Variants in ROBO2 observed in about 807,000 individuals in gnomAD.
ROBO2 encodes roundabout guidance receptor 2.
In ROBO2, 53 loss-of-function variants were observed where a neutral mutation model predicts 160.8. That is an observed-to-expected ratio of 0.33 (90% confidence interval 0.26 to 0.41). The LOEUF is 0.41. Among genes scored for constraint, ROBO2 ranks in the 10% least tolerant of loss-of-function variants. The probability of loss-of-function intolerance (pLI) is 1.00; values close to 1 mark genes in which losing one functional copy is unlikely to be tolerated. For missense variants in ROBO2, 1,577 were observed against 1,722.4 expected (o/e 0.92, Z 1.49); for synonymous variants, 664 against 611.7 (o/e 1.09, Z -1.26).
intron 1 of ROBO2, among the ~76,000 whole-genome samples, chr3:77,070,964 A>G (rs1213891758): frequency 6.6e-6 from 1 of 152,170 alleles, no homozygotes; most frequent in East Asian, 1.9e-4. Context: ...ACCAGGGTGT[A>G]ATGAATGGTG....
At chr3:76,505,049 A>G (rs1316704529) in intron 2 of ROBO2, among the ~76,000 whole-genome samples, 1 of 152,148 alleles carries the variant, frequency 6.6e-6, no homozygotes, top group East Asian at 1.9e-4. Flanking sequence ...GGGATAAACA[A>G]TTATTGAAAA....
chr3:76,242,937 CAA>C, intron 2 of ROBO2, among the ~76,000 whole-genome samples: 1 of 152,042 alleles, frequency 6.6e-6, no homozygotes, highest in Non-Finnish European at 1.5e-5. Flanking sequence ...ACAAAACAAA[CAA>C]ACAAATCCTG....
At chr3:77,050,420 G>A (rs989077178) in intron 1 of ROBO2, among the ~76,000 whole-genome samples, 1 of 152,028 alleles carries the variant, frequency 6.6e-6, no homozygotes, top group African/African-American at 2.4e-5. Flanking sequence ...TCTCTATCAT[G>A]GGTTAGCGTA....
chr3:76,341,987 A>G (rs181471293), intron 2 of ROBO2, among the ~76,000 whole-genome samples: 24 of 152,290 alleles, frequency 1.6e-4, no homozygotes, highest in African/African-American at 4.8e-4. Context: ...ATACTTTGGT[A>G]TAAAATTTGG....
chr3:76,527,722 A>G (rs966062675), intron 2 of ROBO2, among the ~76,000 whole-genome samples: 1 of 152,174 alleles, frequency 6.6e-6, no homozygotes, highest in Non-Finnish European at 1.5e-5. Context: ...TAAGGAAAAC[A>G]TATAGCACAT....
intron 13 of ROBO2, among the ~76,000 whole-genome samples, chr3:77,572,215 C>A (rs2093654520): frequency 6.6e-6 from 1 of 151,962 alleles, no homozygotes. Context: ...GTCTTTCTTT[C>A]AGTATATAAA....
chr3:76,801,554 A>T (rs776670405), intron 2 of ROBO2, among the ~76,000 whole-genome samples: 1 of 151,104 alleles, frequency 6.6e-6, no homozygotes, highest in Non-Finnish European at 1.5e-5. Flanking sequence ...ATATAAATAT[A>T]TATATACACT....
intron 2 of ROBO2, among the ~76,000 whole-genome samples, chr3:76,856,149 G>T (rs973247825): frequency 2.0e-5 from 3 of 152,078 alleles, no homozygotes; most frequent in Non-Finnish European, 4.4e-5. Context: ...AGACATAATT[G>T]GTTCAACTGA....
In ROBO2 at chr3:77,250,267, C is replaced by T. The variant is rs991602787; in HGVS notation, c.388+151927C>T. On this transcript the variant is annotated intron_variant, in intron 2 of 25. Transcript: ENST00000461745. ...GCTCTCCTCATCTGTAAAATGGAGA[C>T]CCTAAGGCTACCTGGTAAGATCATT... Among the ~76,000 whole-genome samples, 4 of 152,106 alleles carry T rather than the reference C, an allele frequency of 2.6e-5. No homozygotes were observed. In the East Asian group the frequency reaches 7.7e-4, roughly 29 times the overall value.
At chr3:76,755,665 T>C (rs1292076284) in intron 2 of ROBO2, among the ~76,000 whole-genome samples, 1 of 151,872 alleles carries the variant, frequency 6.6e-6, no homozygotes, top group Non-Finnish European at 1.5e-5. Flanking sequence ...AATATCTTTT[T>C]TCAGTTTTGT....
At chr3:77,493,122 G>A in intron 4 of ROBO2, 122 bp from the exon 5 acceptor site, 1 of 933,744 alleles carries the variant, frequency 1.1e-6, no homozygotes, top group Admixed American at 1.9e-5. Flanking sequence ...CACAGCTGAG[G>A]TACAGAGTTA....
At chr3:77,521,989 G>A (rs1392008096) in intron 5 of ROBO2, among the ~76,000 whole-genome samples, 2 of 151,198 alleles carry the variant, frequency 1.3e-5, no homozygotes, top group African/African-American at 2.4e-5. Flanking sequence ...AAAACCACAG[G>A]TAAATATCAG....
intron 2 of ROBO2, among the ~76,000 whole-genome samples, chr3:77,120,586 T>G (rs535869359): frequency 2.0e-5 from 3 of 152,346 alleles, no homozygotes; most frequent in African/African-American, 7.2e-5. Context: ...GTCGTTATGC[T>G]CATTTTAGCA....
chr3:76,045,412 G>C (rs1023419609), intron 2 of ROBO2, among the ~76,000 whole-genome samples: 4 of 151,998 alleles, frequency 2.6e-5, no homozygotes, highest in Non-Finnish European at 4.4e-5. Flanking sequence ...GGCAGATTGA[G>C]AGCAAAAATG....
intron 2 of ROBO2, among the ~76,000 whole-genome samples, chr3:76,938,828 G>T (rs1185241077): frequency 6.6e-6 from 1 of 151,944 alleles, no homozygotes; most frequent in Non-Finnish European, 1.5e-5. Context: ...AAAATTAGCC[G>T]GGCGTGGTGG....
intron 2 of ROBO2, among the ~76,000 whole-genome samples, chr3:75,979,501 G>A (rs1576364842): frequency 6.6e-6 from 1 of 151,384 alleles, no homozygotes. Flanking sequence ...TGGAAAAATG[G>A]TTCCGAGGAC....
chr3:76,947,540 C>T (rs145412918), intron 2 of ROBO2, among the ~76,000 whole-genome samples: 122 of 152,192 alleles, frequency 8.0e-4, no homozygotes, highest in Non-Finnish European at 1.1e-3. Flanking sequence ...TGCCTGCAAT[C>T]GATGACATAT....
intron 5 of ROBO2, among the ~76,000 whole-genome samples, chr3:77,521,709 G>A (rs775776): frequency 0.21 from 31,239 of 151,170 alleles, 3,963 homozygotes; most frequent in Non-Finnish European, 0.29. Flanking sequence ...AATTAGGACT[G>A]TATTAGTTCA....
intron 2 of ROBO2, among the ~76,000 whole-genome samples, chr3:76,080,234 C>T (rs933475176): frequency 6.6e-6 from 1 of 152,154 alleles, no homozygotes; most frequent in Non-Finnish European, 1.5e-5. Context: ...AGGCTCAGTG[C>T]GTACTGACCA....
Sources: gnomAD v4.1 joint callset for allele counts (sites outside exome capture counted in the v4.1 genomes callset) on GRCh38, gnomAD v4.1.1 for gene constraint, MANE v1.5 for transcripts, NCBI Gene and HGNC (gene_info 2026-07-23, HGNC 2026-07-21) for gene names.